Variants in ATAD2B observed in about 807,000 individuals in gnomAD.
The protein encoded by ATAD2B is ATPase family AAA domain containing 2B.
Under a neutral mutation model 167.6 loss-of-function variants are expected in ATAD2B, and 40 were observed. The ratio of observed to expected loss-of-function variants is 0.24; its 90% CI spans 0.19 to 0.31. The LOEUF (loss-of-function observed/expected upper bound fraction) is 0.31. ATAD2B is among the 10% of genes least tolerant of loss of function. ATAD2B has a pLI of 1.00. For synonymous variants in ATAD2B, 579 were observed against 596.5 expected, an observed-to-expected ratio of 0.97 and a Z score of 0.43; for missense variants, 1,242 against 1,757.2, an observed-to-expected ratio of 0.71 and a Z score of 5.24.
chr2:23,877,533 GAGGGGAAGGGAGGGGAGGGC>G (rs1382677274), intron 7 of ATAD2B, among the ~76,000 whole-genome samples: 3 of 85,046 alleles, frequency 3.5e-5, no homozygotes, highest in East Asian at 4.7e-4. Context: ...AAGGGGAGGG[GAGGGGAAGGGAGGGGAGGGC>G]AGGGGAAGGG....
At chr2:23,794,076 G>A (rs1682232128) in intron 19 of ATAD2B, among the ~76,000 whole-genome samples, 2 of 152,168 alleles carry the variant, frequency 1.3e-5, no homozygotes, top group African/African-American at 2.4e-5. Flanking sequence ...GCAGTGACAC[G>A]ATCTTGGCTC....
At chr2:23,914,676 A>G (rs1702782706) in intron 1 of ATAD2B, among the ~76,000 whole-genome samples, 1 of 149,164 alleles carries the variant, frequency 6.7e-6, no homozygotes, top group Non-Finnish European at 1.5e-5. Context: ...CGTCTCTACT[A>G]AAAATACCAA....
At chr2:23,896,007 A>C (rs761944072) in intron 1 of ATAD2B, 37 bp from the exon 2 acceptor site, 2 of 1,526,186 alleles carry the variant, frequency 1.3e-6, no homozygotes, top group South Asian at 1.2e-5. Flanking sequence ...TATTATTCCT[A>C]TTAAGATAAA....
At chr2:23,690,809 C>T in the ATAD2B span, 1 of 152,312 alleles carries the variant, frequency 6.6e-6, no homozygotes, top group Admixed American at 6.5e-5. Context: ...CCTTAGGAGC[C>T]TTTGCAATGG....
chr2:23,776,079 G>C (rs1679078909), intron 22 of ATAD2B, among the ~76,000 whole-genome samples: 1 of 152,134 alleles, frequency 6.6e-6, no homozygotes, highest in Admixed American at 6.5e-5. Flanking sequence ...TCACGCCACT[G>C]TACTCCAGCC....
intron 13 of ATAD2B, among the ~76,000 whole-genome samples, chr2:23,855,719 T>A (rs1428199407): frequency 6.6e-6 from 1 of 152,188 alleles, no homozygotes. Context: ...CGAGACTCCG[T>A]CTCTACAACA....
the ATAD2B span, chr2:23,706,513 C>T: frequency 1.3e-6 from 2 of 1,534,600 alleles, no homozygotes; most frequent in Non-Finnish European, 1.7e-6. Flanking sequence ...ATTTATGCAA[C>T]TGGAGGTATT....
At chr2:23,705,037 G>C in the ATAD2B span, among the ~76,000 whole-genome samples, 1 of 152,232 alleles carries the variant, frequency 6.6e-6, no homozygotes, top group Non-Finnish European at 1.5e-5. Flanking sequence ...CTAAGCTCCT[G>C]TTGGACTGAG....
At position 23,833,915 on chromosome 2, in the gene ATAD2B, T is replaced by C. The variant is rs752363456; in HGVS notation, c.1728+4A>G. On this transcript the variant is annotated splice_donor_region_variant and intron_variant, in intron 14 of 27. Transcript: ENST00000238789. Reference sequence around the variant, plus strand: ...GTTAACATATTGAAAACAAAAACTCTTACCTTTTGATCAGGCAGGTTGAAG... The same window carrying C: ...GTTAACATATTGAAAACAAAAACTCCTACCTTTTGATCAGGCAGGTTGAAG... 3.8e-6 allele frequency: 6 copies of C among 1,599,050 alleles called. No homozygotes were observed. Among genetic ancestry groups the C allele is most frequent in the Non-Finnish European group, 5.1e-6 (6 of 1,175,372 alleles).
chr2:23,814,488 A>C (rs966023426), intron 17 of ATAD2B, among the ~76,000 whole-genome samples: 1 of 152,176 alleles, frequency 6.6e-6, no homozygotes, highest in African/African-American at 2.4e-5. Flanking sequence ...TTCCTGGAAA[A>C]GTGTTACCAA....
the ATAD2B span, chr2:23,695,769 C>T: frequency 1.3e-6 from 2 of 1,551,328 alleles, no homozygotes; most frequent in Admixed American, 2.0e-5. The surrounding 1 kb of genome is among the most constrained non-coding windows in gnomAD (Gnocchi z 7.6). Context: ...ATATGCTGCC[C>T]CACGCCCGCC....
intron 1 of ATAD2B, among the ~76,000 whole-genome samples, chr2:23,906,881 A>G (rs888886705): frequency 3.3e-5 from 5 of 151,872 alleles, no homozygotes; most frequent in Admixed American, 3.3e-4. Flanking sequence ...TGATTATCTC[A>G]ATAGATGCAG....
At chr2:23,760,690 T>TTTTATATA (rs1676552661) in intron 24 of ATAD2B, among the ~76,000 whole-genome samples, 1 of 118,298 alleles carries the variant, frequency 8.5e-6, no homozygotes, top group Non-Finnish European at 1.8e-5. Flanking sequence ...ATAAATAAAT[T>TTTTATATA]TATATATATA....
intron 2 of ATAD2B, among the ~76,000 whole-genome samples, chr2:23,893,795 G>C (rs1417862097): frequency 1.3e-5 from 2 of 150,328 alleles, no homozygotes; most frequent in Admixed American, 1.3e-4. Context: ...TTAGCCTTTC[G>C]AGTAGATCGG....
At chr2:23,828,541 T>C (rs1361510020) in intron 15 of ATAD2B, among the ~76,000 whole-genome samples, 1 of 152,204 alleles carries the variant, frequency 6.6e-6, no homozygotes, top group East Asian at 1.9e-4. Context: ...TTTTTCTTAG[T>C]AAAATTTCTA....
intron 1 of ATAD2B, among the ~76,000 whole-genome samples, chr2:23,896,418 G>T (rs1232695723): frequency 6.6e-6 from 1 of 151,972 alleles, no homozygotes; most frequent in Admixed American, 6.6e-5. Flanking sequence ...ATAGCAAAAT[G>T]TATAATCTGT....
At chr2:23,841,098 A>ATTTTTTTTTTT (rs572061183) in intron 13 of ATAD2B, among the ~76,000 whole-genome samples, 1 of 117,172 alleles carries the variant, frequency 8.5e-6, no homozygotes. Context: ...ATGCATGGCT[A>ATTTTTTTTTTT]TTTTTTTTTT....
chr2:23,732,375 T>G, the ATAD2B span, among the ~76,000 whole-genome samples: 1 of 152,126 alleles, frequency 6.6e-6, no homozygotes, highest in Non-Finnish European at 1.5e-5. Flanking sequence ...GATAAAACTA[T>G]ACGAAAAGCA....
Position 23,751,220 on chromosome 2 carries a change from TTTG to T in ATAD2B, c.*823_*825del, listed in dbSNP as rs1675318715. ...TTTGTGTGTGGACTGTGTATTATTC[TTTG>T]TTGTTATTCATGTTTCTTAAACCAA... is the stretch of plus-strand genomic sequence containing the variant. On this transcript the variant is annotated 3_prime_UTR_variant, in exon 28 of 28. Transcript: ENST00000238789. The T allele has an allele frequency of 6.6e-6, 1 of 152,140 alleles. No individual in the cohort carries two copies. The highest frequency in any genetic ancestry group is 2.1e-4 in the South Asian group (1 of 4,826). The allele number at this position is 152,140 out of a possible 1,614,324, so 9.4% of individuals were successfully genotyped here.
Sources: allele counts gnomAD v4.1 joint callset (sites outside exome capture counted in the v4.1 genomes callset), GRCh38; gene constraint gnomAD v4.1.1; non-coding constraint Gnocchi (gnomAD v3.1); transcripts MANE v1.5; gene names NCBI Gene and HGNC (gene_info 2026-07-23, HGNC 2026-07-21).